The following ABCB4 variants were observed in gnomAD, a reference collection of about 807,000 sequenced individuals.
ABCB4 encodes the protein phosphatidylcholine translocator ABCB4.
A neutral mutation model predicts 145.7 loss-of-function variants in ABCB4; 76 were observed. The ratio of observed to expected loss-of-function variants is 0.52; its 90% CI spans 0.43 to 0.63. ABCB4 has a LOEUF of 0.63. Among genes scored for constraint, ABCB4 ranks in the 30% least tolerant of loss-of-function variants. The pLI is 0.00. For missense variants in ABCB4, 1,234 were observed against 1,553.1 expected (o/e 0.79, Z 3.45); for synonymous variants, 517 against 566.8 (o/e 0.91, Z 1.25).
chr7:87,403,434 C>T, intron 26 of ABCB4, 153 bp from the exon 27 acceptor site: 1 of 686,050 alleles, frequency 1.5e-6, no homozygotes, highest in East Asian at 2.7e-5. Flanking sequence ...AACTAGAAAA[C>T]TAGTGACTTT....
At chr7:87,433,960 T>C (rs1160135816) in intron 14 of ABCB4, among the ~76,000 whole-genome samples, 2 of 151,726 alleles carry the variant, frequency 1.3e-5, no homozygotes, top group Admixed American at 1.3e-4. Flanking sequence ...AGATGGAGTC[T>C]TGCTCTGTTG....
intron 8 of ABCB4, among the ~76,000 whole-genome samples, chr7:87,448,927 T>C (rs1811525368): frequency 6.6e-6 from 1 of 152,168 alleles, no homozygotes; most frequent in Admixed American, 6.6e-5. Context: ...GAAAATACTT[T>C]ATATGGAATC....
intron 4 of ABCB4, among the ~76,000 whole-genome samples, chr7:87,457,229 G>A (rs1344258284): frequency 6.6e-6 from 1 of 152,012 alleles, no homozygotes; most frequent in Non-Finnish European, 1.5e-5. Flanking sequence ...GACCAGCCTG[G>A]GCAACGTGGT....
chr7:87,414,012 C>G (rs1455209099), intron 21 of ABCB4, among the ~76,000 whole-genome samples: 1 of 152,174 alleles, frequency 6.6e-6, no homozygotes, highest in Non-Finnish European at 1.5e-5. Context: ...CAGCCTGCCA[C>G]CAGGCAGTTA....
intron 23 of ABCB4, 55 bp downstream of exon 23, chr7:87,411,838 T>C (rs1808644139): frequency 3.8e-6 from 6 of 1,569,360 alleles, no homozygotes; most frequent in Non-Finnish European, 5.2e-6. Context: ...AACTTTTGCA[T>C]AAACCTACTA....
downstream of ABCB4, among the ~76,000 whole-genome samples, chr7:87,397,093 C>T (rs2116243578): frequency 6.6e-6 from 1 of 152,278 alleles, no homozygotes; most frequent in African/African-American, 2.4e-5. Context: ...GTGGCTCACG[C>T]CTGTAATCCC....
At chr7:87,396,266 T>TA in the ABCB4 span, among the ~76,000 whole-genome samples, 2 of 152,082 alleles carry the variant, frequency 1.3e-5, no homozygotes, top group Non-Finnish European at 2.9e-5. Flanking sequence ...TCATCTCTAT[T>TA]AAAAAATTTG....
chr7:87,464,123 C>T (rs965838333), intron 3 of ABCB4, among the ~76,000 whole-genome samples: 3 of 152,116 alleles, frequency 2.0e-5, no homozygotes, highest in South Asian at 4.1e-4. Context: ...ATGAGCCAGG[C>T]TTGGCACAGT....
the ABCB4 span, among the ~76,000 whole-genome samples, chr7:87,377,121 G>T: frequency 6.6e-6 from 1 of 151,998 alleles, no homozygotes; most frequent in Non-Finnish European, 1.5e-5. Context: ...TTTTCTGGTA[G>T]GATTTTCTTA....
intron 21 of ABCB4, among the ~76,000 whole-genome samples, chr7:87,416,966 AAT>A (rs1405061581): frequency 2.0e-5 from 3 of 152,254 alleles, no homozygotes; most frequent in Non-Finnish European, 4.4e-5. Flanking sequence ...GACCCTGAAC[AAT>A]TCACTTACAG....
At chr7:87,449,817 T>C in intron 8 of ABCB4, 151 bp downstream of exon 8, 1 of 1,160,480 alleles carries the variant, frequency 8.6e-7, no homozygotes, top group Admixed American at 2.2e-5. Context: ...GAGTCTGACA[T>C]TCAACTATAG....
chr7:87,382,491 G>A, the ABCB4 span: 4 of 1,613,924 alleles, frequency 2.5e-6, no homozygotes, highest in East Asian at 2.2e-5. Flanking sequence ...GCTTCACCCG[G>A]ATACGTTTAT....
chr7:87,395,215 T>C, the ABCB4 span, among the ~76,000 whole-genome samples: 1 of 152,172 alleles, frequency 6.6e-6, no homozygotes, highest in Non-Finnish European at 1.5e-5. Flanking sequence ...CCAGGAAGCA[T>C]CTAGCACAGG....
At chr7:87,454,650 C>T in intron 4 of ABCB4, 58 bp from the exon 5 acceptor site, 2 of 1,260,136 alleles carry the variant, frequency 1.6e-6, no homozygotes, top group Non-Finnish European at 2.3e-6. Context: ...TAGGCATTGC[C>T]AGGTTTTTAA....
chr7:87,460,812 A>T (rs1361214921), intron 4 of ABCB4, among the ~76,000 whole-genome samples: 1 of 151,870 alleles, frequency 6.6e-6, no homozygotes, highest in Non-Finnish European at 1.5e-5. Flanking sequence ...ATAGGTGTGT[A>T]GTATTCCATA....
intron 8 of ABCB4, among the ~76,000 whole-genome samples, chr7:87,448,884 TGTGA>T (rs1811522737): frequency 6.6e-6 from 1 of 152,182 alleles, no homozygotes; most frequent in Non-Finnish European, 1.5e-5. Flanking sequence ...ATCCAAGAGT[TGTGA>T]GTATCAAGAG....
At chr7:87,439,933 C>A in intron 13 of ABCB4, 96 bp from the exon 14 acceptor site, 1 of 1,520,604 alleles carries the variant, frequency 6.6e-7, no homozygotes, top group Non-Finnish European at 9.1e-7. Context: ...GGAGCTTTGT[C>A]TTAACTATTT....
chr7:87,391,712 T>C, the ABCB4 span: 1 of 1,604,720 alleles, frequency 6.2e-7, no homozygotes, highest in Non-Finnish European at 8.5e-7. Flanking sequence ...CTTCTGTCAA[T>C]GTGAGTATTG....
intron 3 of ABCB4, among the ~76,000 whole-genome samples, chr7:87,465,625 A>C (rs563088651): frequency 6.6e-6 from 1 of 152,316 alleles, no homozygotes; most frequent in East Asian, 1.9e-4. Context: ...CTGACCCCCG[A>C]GTAGCCTAAC....
Sources: gnomAD v4.1 joint callset for allele counts (sites outside exome capture counted in the v4.1 genomes callset) on GRCh38, gnomAD v4.1.1 for gene constraint, MANE v1.5 for transcripts, NCBI Gene and HGNC (gene_info 2026-07-23, HGNC 2026-07-21) for gene names.